Variants in ICAM2 observed in about 807,000 individuals in gnomAD.
The protein encoded by ICAM2 is ICAM-2.
ICAM2 carries 14 observed loss-of-function variants against 19.1 expected under a neutral mutation model. The observed-to-expected ratio is 0.73, with a 90% CI of 0.48 to 1.15. The LOEUF is 1.15. ICAM2 is among the 50% of genes most tolerant of loss of function. The probability of loss-of-function intolerance (pLI) is 0.00; values close to 1 mark genes in which losing one functional copy is unlikely to be tolerated. For missense variants in ICAM2, 311 were observed against 355.4 expected (o/e 0.88, Z 1.00); for synonymous variants, 153 against 152.7 (o/e 1.00, Z -0.01).
At chr17:64,003,183 A>C in intron 4 of ICAM2, 1 of 509,284 alleles carries the variant, frequency 2.0e-6, no homozygotes, top group Non-Finnish European at 3.5e-6. Flanking sequence ...CCTTGTCAGC[A>C]GCCATGGGAC....
intron 1 of ICAM2, among the ~76,000 whole-genome samples, chr17:64,017,707 C>T (rs972427088): frequency 1.3e-5 from 2 of 152,102 alleles, no homozygotes; most frequent in Non-Finnish European, 2.9e-5. Flanking sequence ...ATGGTGTTAG[C>T]GTAGGTATAG....
intron 1 of ICAM2, among the ~76,000 whole-genome samples, chr17:64,019,590 C>T (rs975233979): frequency 1.3e-5 from 2 of 151,702 alleles, no homozygotes; most frequent in Admixed American, 6.6e-5. Context: ...CCGAGGTGGG[C>T]GGATCATGAG....
chr17:64,002,615 C>A lies in ICAM2; in HGVS notation c.*132G>T. The A allele has an allele frequency of 1.3e-6, 1 of 781,214 alleles. No individual in the cohort carries two copies. Among genetic ancestry groups the A allele is most frequent in the Non-Finnish European group, 2.0e-6 (1 of 493,492 alleles). 48.4% of individuals were successfully genotyped at this position (781,214 alleles called of 1,614,324 possible). ...AGGGCTAAGTCCAGGTGTTTGTATTCGGGCTAGAAAAGGCAATGTCCCAAG... is the reference window on the plus strand; with the variant it reads ...AGGGCTAAGTCCAGGTGTTTGTATTAGGGCTAGAAAAGGCAATGTCCCAAG... On this transcript the variant is annotated 3_prime_UTR_variant, in exon 5 of 5. Transcript: ENST00000579788.
Position 64,002,739 on chromosome 17 carries a change from C to T in ICAM2, c.*8G>A, listed in dbSNP as rs997450064. ...CCACCGTGGTGGTGGCCATGCCACT[C>T]ATGGTTGCTATGGCCGGAAGGCCTG... On this transcript the variant is annotated 3_prime_UTR_variant, in exon 5 of 5. Coordinates refer to ENST00000579788, the MANE Select transcript of ICAM2 (RefSeq NM_001099789.2). 6.2e-7 allele frequency: 1 copy of T among 1,609,616 alleles called. No homozygotes were observed. The highest frequency in any genetic ancestry group is 1.1e-5 in the South Asian group (1 of 90,810).
Position 64,002,898 on chromosome 17 carries a change from A to T in ICAM2, c.677T>A (p.Ile226Asn). Residue 226 changes from isoleucine to asparagine, a missense_variant, in exon 5 of 5, where the codon ATC (isoleucine) becomes AAC (asparagine). Ile to Asn is a moderately radical substitution (Grantham distance 149). Transcript: ENST00000579788. The stretch of plus-strand genomic sequence containing the variant: ...CAACACCGACACCACCGTGACTATG[A>T]TGACCATCTGGCTGTCCGACACAGG... ...YEPVSDSQMVIIVTVVSVLLS... is the reference protein window; with the variant it reads ...YEPVSDSQMVNIVTVVSVLLS... 6.2e-7 allele frequency: 1 copy of T among 1,613,694 alleles called. No individual in the cohort carries two copies. Among genetic ancestry groups the T allele is most frequent in the South Asian group, 1.1e-5 (1 of 91,056 alleles).
rs1158996303 is a variant in ICAM2 at position 64,005,175 on chromosome 17, G to A, written c.260C>T (p.Thr87Met). 5 of 1,614,154 alleles carry A rather than the reference G, an allele frequency of 3.1e-6. No individual in the cohort carries two copies. The highest frequency in any genetic ancestry group is 2.2e-5 in the East Asian group (1 of 44,884). ...HYLVSNISHD[T>M]VLQCHFTCSG... ...GCAGGTGAAGTGGCATTGGAGGACC[G>A]TGTCATGGGAGATGTTTGAGACCAA... Residue 87 changes from threonine (T) to methionine (M), a missense_variant, in exon 3 of 5, where the codon ACG becomes ATG. Transcript: ENST00000579788.
At chr17:64,016,178 TA>T (rs1409861709) in intron 1 of ICAM2, among the ~76,000 whole-genome samples, 4 of 152,226 alleles carry the variant, frequency 2.6e-5, no homozygotes, top group Non-Finnish European at 2.9e-5. Flanking sequence ...AAAATACTGG[TA>T]AATCAAATCC....
chr17:64,018,812 C>T (rs755758695), intron 1 of ICAM2, among the ~76,000 whole-genome samples: 4 of 150,302 alleles, frequency 2.7e-5, no homozygotes, highest in Admixed American at 2.7e-4. Context: ...ACCTCCACCT[C>T]CCGGGTTCGA....
chr17:64,008,445 T>G (rs1009959266), intron 1 of ICAM2, among the ~76,000 whole-genome samples: 33 of 152,026 alleles, frequency 2.2e-4, no homozygotes, highest in African/African-American at 7.7e-4. Context: ...ATAATAATAG[T>G]AAACATTTAC....
In ICAM2 at chr17:64,003,639, CT is replaced by C. The variant is rs1910972523; in HGVS notation, c.649+4del. 1.2e-6 allele frequency: 2 copies of C among 1,609,754 alleles called. No homozygotes were observed. Among genetic ancestry groups the C allele is most frequent in the Non-Finnish European group, 1.7e-6 (2 of 1,177,218 alleles). ...TCCCAACTCCATCCACGGATCCCCC[CT>C]CACCATAGATCTCCAACATCTTCGG... On this transcript the variant is annotated splice_donor_region_variant and intron_variant, in intron 4 of 4. Transcript: ENST00000579788.
intron 1 of ICAM2, among the ~76,000 whole-genome samples, chr17:64,013,507 GA>G (rs112468568): frequency 1.1e-4 from 16 of 145,236 alleles, no homozygotes; most frequent in South Asian, 4.4e-4. Context: ...TCTCAAAAAA[GA>G]AAAAAAAAAT....
Position 64,003,912 on chromosome 17 carries a change from G to A in ICAM2, c.381C>T (p.Gly127=), listed in dbSNP as rs1431977961. ...CCCTGCACTCAATGGTGAAGGACTTGCCCACAGCCACCAAAGTGGGTTGCA... is the reference window on the plus strand; with the variant it reads ...CCCTGCACTCAATGGTGAAGGACTTACCCACAGCCACCAAAGTGGGTTGCA... ...LTLQPTLVAV[G]KSFTIECRVP... The change falls in exon 4 of 5, where the codon GGC becomes GGT. Residue 127 remains glycine, a synonymous_variant. Transcript: ENST00000579788. 1 of 1,613,976 alleles carries A rather than the reference G, an allele frequency of 6.2e-7. No homozygotes were observed. The highest frequency in any genetic ancestry group is 8.5e-7 in the Non-Finnish European group (1 of 1,180,004).
At chr17:64,009,247 G>A (rs1911344887) in intron 1 of ICAM2, among the ~76,000 whole-genome samples, 1 of 151,784 alleles carries the variant, frequency 6.6e-6, no homozygotes, top group Admixed American at 6.6e-5. Flanking sequence ...GAGAGAGTTT[G>A]TCCTAAACAA....
intron 3 of ICAM2, 33 bp downstream of exon 3, chr17:64,005,074 G>A: frequency 6.2e-7 from 1 of 1,613,088 alleles, no homozygotes. Context: ...TCTGTCCCAG[G>A]GGAGAGGAGG....
chr17:64,019,741 A>T (rs1283097512), intron 1 of ICAM2, among the ~76,000 whole-genome samples: 1 of 148,308 alleles, frequency 6.7e-6, no homozygotes, highest in Admixed American at 6.8e-5. Context: ...GCTTGAACCC[A>T]GCAGGCGAAG....
chr17:64,008,798 G>A, intron 1 of ICAM2, among the ~76,000 whole-genome samples: 1 of 152,220 alleles, frequency 6.6e-6, no homozygotes, highest in East Asian at 1.9e-4. Flanking sequence ...GGAAGGTGGG[G>A]TGATCCATGC....
intron 1 of ICAM2, among the ~76,000 whole-genome samples, chr17:64,012,720 T>C (rs756456752): frequency 3.9e-5 from 6 of 152,258 alleles, no homozygotes; most frequent in Non-Finnish European, 7.3e-5. Context: ...CTGTATTAGA[T>C]GTTCTAAATA....
intron 1 of ICAM2, among the ~76,000 whole-genome samples, chr17:64,008,984 C>T (rs1911335245): frequency 6.6e-6 from 1 of 152,232 alleles, no homozygotes; most frequent in African/African-American, 2.4e-5. Context: ...TCCCATCCTT[C>T]CTGGGCAGGC....
At chr17:64,018,266 G>A (rs1359332364) in intron 1 of ICAM2, among the ~76,000 whole-genome samples, 1 of 147,952 alleles carries the variant, frequency 6.8e-6, no homozygotes, top group Admixed American at 6.8e-5. Flanking sequence ...CCTAGGAGGC[G>A]GAGCTTGCAG....
Sources: allele counts gnomAD v4.1 joint callset (sites outside exome capture counted in the v4.1 genomes callset), GRCh38; gene constraint gnomAD v4.1.1; transcripts MANE v1.5; gene names NCBI Gene and HGNC (gene_info 2026-07-23, HGNC 2026-07-21).